The following PCDH15 variants were observed in gnomAD, a reference collection of about 807,000 sequenced individuals.
The protein encoded by PCDH15 is protocadherin related 15, also known as protocadherin-15.
Under a neutral mutation model 178.5 loss-of-function variants are expected in PCDH15, and 129 were observed. The ratio of observed to expected loss-of-function variants is 0.72; its 90% CI spans 0.63 to 0.84. The LOEUF is 0.84. PCDH15 is among the 40% of genes least tolerant of loss of function. The probability of loss-of-function intolerance (pLI) is 0.00; values close to 1 mark genes in which losing one functional copy is unlikely to be tolerated. For missense variants in PCDH15, 2,230 were observed against 2,099.9 expected (o/e 1.06, Z -1.21); for synonymous variants, 800 against 732.0 (o/e 1.09, Z -1.50).
intron 1 of PCDH15, among the ~76,000 whole-genome samples, chr10:55,176,752 T>C (rs926204816): frequency 6.6e-6 from 1 of 152,080 alleles, no homozygotes; most frequent in African/African-American, 2.4e-5. Context: ...GGATACTAAA[T>C]TGTTCACAGT....
At position 55,411,043 on chromosome 10, in the gene PCDH15, G is replaced by A. The variant is rs936112345; in HGVS notation, c.-156+216582C>T. Among the ~76,000 whole-genome samples, 24 of 151,914 alleles carry A rather than the reference G, an allele frequency of 1.6e-4. 1 individual carries two copies. The highest frequency in any genetic ancestry group is 1.4e-3 in the Admixed American group (21 of 15,204). On this transcript the variant is annotated intron_variant, in intron 2 of 5. Transcript: ENST00000613346. ...TAATAAAATTGGGAGTAATGAAGGT[G>A]GAATTGAAGAAAGGAAGAAAATAAG...
chr10:53,937,654 C>A lies in PCDH15; in HGVS notation c.3373+1161G>T, dbSNP rs1006391354. On this transcript the variant is annotated intron_variant, in intron 25 of 37. Transcript: ENST00000644397. The stretch of plus-strand genomic sequence containing the variant: ...TATCTCTACAAGGAACTGAGCAGCT[C>A]TCTACACTGAATCAGTAAATGAGGT... Among the ~76,000 whole-genome samples, 4 of 152,118 alleles carry A rather than the reference C, an allele frequency of 2.6e-5. No homozygotes were observed. In the East Asian group the frequency reaches 7.7e-4, roughly 29 times the overall value.
chr10:54,737,912 G>T (rs1483450058), intron 1 of PCDH15, among the ~76,000 whole-genome samples: 2 of 152,054 alleles, frequency 1.3e-5, no homozygotes, highest in Non-Finnish European at 2.9e-5. Context: ...TGTTAGAAGT[G>T]GGGAGGCCAG....
At chr10:55,210,839 G>A (rs1378745680) in intron 1 of PCDH15, among the ~76,000 whole-genome samples, 1 of 151,350 alleles carries the variant, frequency 6.6e-6, no homozygotes, top group Non-Finnish European at 1.5e-5. Flanking sequence ...ATGTTGGCCG[G>A]ATGGTCTTGA....
At chr10:54,497,102 A>C (rs2080193151) in intron 3 of PCDH15, among the ~76,000 whole-genome samples, 1 of 151,998 alleles carries the variant, frequency 6.6e-6, no homozygotes, top group African/African-American at 2.4e-5. Context: ...AATTGACCTC[A>C]AGGGGCCAGA....
intron 2 of PCDH15, among the ~76,000 whole-genome samples, chr10:55,561,157 GA>G (rs1842190446): frequency 6.6e-6 from 1 of 151,714 alleles, no homozygotes; most frequent in Admixed American, 6.6e-5. Flanking sequence ...TTAATCTTCA[GA>G]AAGAAATTCA....
At chr10:54,349,114 A>G (rs1943775193) in intron 5 of PCDH15, among the ~76,000 whole-genome samples, 1 of 152,226 alleles carries the variant, frequency 6.6e-6, no homozygotes, top group Non-Finnish European at 1.5e-5. Flanking sequence ...AAATCAAAAT[A>G]AAACAAACAA....
chr10:54,173,733 G>A (rs1411404041), intron 13 of PCDH15, among the ~76,000 whole-genome samples: 1 of 152,068 alleles, frequency 6.6e-6, no homozygotes, highest in Non-Finnish European at 1.5e-5. Flanking sequence ...AGAAAAGTAT[G>A]CAAAAAAATT....
chr10:54,286,606 C>T (rs548885413), intron 8 of PCDH15, among the ~76,000 whole-genome samples: 2 of 152,272 alleles, frequency 1.3e-5, no homozygotes, highest in South Asian at 4.2e-4. Context: ...GTTCAATCCT[C>T]TGAAAAACAT....
Position 53,866,946 on chromosome 10 carries a change from G to T in PCDH15, c.3502-89C>A, listed in dbSNP as rs577222775. ...GCTTACTTTTGTTTGTAAGAATGAG[G>T]TTTCTTATGTAATAATAACACAATA... On this transcript the variant is annotated intron_variant, in intron 26 of 37. Transcript: ENST00000644397. The T allele has an allele frequency of 6.7e-6, 6 of 893,006 alleles. No individual in the cohort carries two copies. In the African/African-American group the frequency reaches 1.0e-4, roughly 15 times the overall value. 55.3% of individuals were successfully genotyped at this position (893,006 alleles called of 1,614,324 possible).
At chr10:54,402,674 A>G (rs929948864) in intron 3 of PCDH15, among the ~76,000 whole-genome samples, 1 of 151,972 alleles carries the variant, frequency 6.6e-6, no homozygotes, top group Admixed American at 6.6e-5. Context: ...ATCTGTAATC[A>G]GTGGTTTTTA....
chr10:54,931,925 A>G (rs1837788115), intron 2 of PCDH15, among the ~76,000 whole-genome samples: 1 of 152,118 alleles, frequency 6.6e-6, no homozygotes, highest in African/African-American at 2.4e-5. Flanking sequence ...TAGGGAAAGA[A>G]AATGCACCTC....
rs965788721 is a variant in PCDH15, at chr10:55,582,356, C to T, written c.-156+45269G>A. ...ATCCTCCTGAGCATTCCTAGGATCG[C>T]CTTCCCCAACAGAAACTGCTCCTTT... On this transcript the variant is annotated intron_variant, in intron 2 of 5. Coordinates refer to the PCDH15 transcript ENST00000613346. Among the ~76,000 whole-genome samples the T allele has an allele frequency of 3.0e-4, 45 of 152,110 alleles. 1 individual carries two copies. Among genetic ancestry groups the T allele is most frequent in the Admixed American group, 1.4e-3 (22 of 15,276 alleles).
intron 15 of PCDH15, among the ~76,000 whole-genome samples, chr10:54,119,208 A>G (rs1564463729): frequency 6.6e-6 from 1 of 152,318 alleles, no homozygotes; most frequent in East Asian, 1.9e-4. Flanking sequence ...AAAAAATTCA[A>G]TAAGATCCAA....
intron 2 of PCDH15, among the ~76,000 whole-genome samples, chr10:55,369,979 C>T (rs1413726558): frequency 6.6e-6 from 1 of 151,204 alleles, no homozygotes; most frequent in Admixed American, 6.6e-5. Flanking sequence ...AGGGACCATC[C>T]ATCAAATTAT....
intron 1 of PCDH15, among the ~76,000 whole-genome samples, chr10:54,704,614 A>T (rs555656022): frequency 6.6e-6 from 1 of 152,162 alleles, no homozygotes; most frequent in Admixed American, 6.6e-5. Flanking sequence ...ATGTGAATAA[A>T]AATCACAATG....
At chr10:54,089,623 A>G (rs2094567440) in intron 16 of PCDH15, among the ~76,000 whole-genome samples, 1 of 152,206 alleles carries the variant, frequency 6.6e-6, no homozygotes, top group Non-Finnish European at 1.5e-5. Context: ...TTTGTAACAC[A>G]TCTTGCCTAC....
chr10:53,911,027 T>C (rs1281361252), intron 25 of PCDH15, among the ~76,000 whole-genome samples: 2 of 152,002 alleles, frequency 1.3e-5, no homozygotes, highest in Admixed American at 6.6e-5. Flanking sequence ...AAAGACCAAA[T>C]CTATGTTTGA....
intron 3 of PCDH15, among the ~76,000 whole-genome samples, chr10:54,848,869 A>AGCT (rs1953559818): frequency 6.6e-6 from 1 of 152,200 alleles, no homozygotes; most frequent in African/African-American, 2.4e-5. Context: ...GCAGTATGTA[A>AGCT]GCTGAATCAT....
Sources: gnomAD v4.1 joint callset for allele counts (sites outside exome capture counted in the v4.1 genomes callset) on GRCh38, gnomAD v4.1.1 for gene constraint, MANE v1.5 for transcripts, NCBI Gene and HGNC (gene_info 2026-07-23, HGNC 2026-07-21) for gene names.